Variants in RYR2 observed in about 807,000 individuals in gnomAD.
RYR2 encodes cardiac muscle ryanodine receptor-calcium release channel.
RYR2 carries 227 observed loss-of-function variants against 601.1 expected under a neutral mutation model. The observed-to-expected ratio is 0.38, with a 90% CI of 0.34 to 0.42. The LOEUF is 0.42. RYR2 is among the 10% of genes least tolerant of loss of function. The pLI, the probability that RYR2 is intolerant of heterozygous loss-of-function variation, is 1.00. For synonymous variants in RYR2, 2,223 were observed against 2,175.1 expected, an observed-to-expected ratio of 1.02 and a Z score of -0.61; for missense variants, 4,646 against 6,156.5, an observed-to-expected ratio of 0.75 and a Z score of 8.21.
chr1:237,107,946 T>A lies in RYR2; in HGVS notation c.48+65377T>A, dbSNP rs573498936. 2.6e-5 allele frequency among the ~76,000 whole-genome samples: 4 copies of A among 152,270 alleles called. No individual in the cohort carries two copies. The East Asian group carries it at 7.7e-4, about 29-fold the overall frequency. The stretch of plus-strand genomic sequence containing the variant: ...CATTGTTGAAAAGCCTCTACTCCTT[T>A]GTGGGGCTGTTTTACCTCCTGGTAA... On this transcript the variant is annotated intron_variant, in intron 1 of 104. Coordinates refer to ENST00000366574, the MANE Select transcript of RYR2 (RefSeq NM_001035.3).
In RYR2 at chr1:237,784,408, G is replaced by A. The variant is rs1479891890; in HGVS notation, c.12696G>A (p.Arg4232=). ...EKERPEEQGP[R]MAFFSILTVR... ...AGAGGCCGGAAGAGCAGGGGCCGAG[G>A]ATGGCTTTCTTCTCCATTCTGACGG... Residue 4232 remains arginine (R), a synonymous_variant, in exon 90 of 105, where the codon AGG becomes AGA. Coordinates refer to ENST00000366574, the MANE Select transcript of RYR2 (RefSeq NM_001035.3). This position sits in a 1 kb window ranked among gnomAD's most constrained non-coding sequence, Gnocchi z 7.1. 1.2e-6 allele frequency: 2 copies of A among 1,613,892 alleles called. No homozygotes were observed. Among genetic ancestry groups the A allele is most frequent in the East Asian group, 2.2e-5 (1 of 44,850 alleles).
At chr1:237,053,247 T>A (rs948079634) in intron 1 of RYR2, among the ~76,000 whole-genome samples, 1 of 152,228 alleles carries the variant, frequency 6.6e-6, no homozygotes, top group Non-Finnish European at 1.5e-5. Flanking sequence ...CTGGGAGTCA[T>A]GATCAGCTTA....
rs1482116595 is a variant in RYR2 at position 237,227,938 on chromosome 1, G to A, written c.49-42559G>A. On this transcript the variant is annotated intron_variant, in intron 1 of 104. Transcript: ENST00000366574. Reference sequence around the variant, plus strand: ...GGTGGTGTTTTTGGATCAGAAATGTGCTGTAAGAACTTAACTCTTGTTTTT... The same window carrying A: ...GGTGGTGTTTTTGGATCAGAAATGTACTGTAAGAACTTAACTCTTGTTTTT... Among the ~76,000 whole-genome samples, 6 of 151,730 alleles carry A rather than the reference G, an allele frequency of 4.0e-5. No homozygotes were observed. In the East Asian group the frequency reaches 7.8e-4, roughly 20 times the overall value.
intron 66 of RYR2, among the ~76,000 whole-genome samples, chr1:237,704,591 T>C (rs1688218957): frequency 6.6e-6 from 1 of 152,094 alleles, no homozygotes; most frequent in Admixed American, 6.6e-5. Flanking sequence ...TTTGTTTTTG[T>C]CATTGTTGTT....
chr1:237,226,114 A>C (rs978023084), intron 1 of RYR2, among the ~76,000 whole-genome samples: 1 of 152,060 alleles, frequency 6.6e-6, no homozygotes, highest in Non-Finnish European at 1.5e-5. Flanking sequence ...TTAAGTCTGG[A>C]ATCTAGTGAA....
chr1:237,083,076 C>T (rs1297509033), intron 1 of RYR2, among the ~76,000 whole-genome samples: 2 of 152,138 alleles, frequency 1.3e-5, no homozygotes, highest in Non-Finnish European at 2.9e-5. Context: ...CAGTATGGGC[C>T]CACTGTTGCC....
intron 1 of RYR2, among the ~76,000 whole-genome samples, chr1:237,112,954 A>G (rs1441376826): frequency 6.6e-6 from 1 of 152,052 alleles, no homozygotes; most frequent in Non-Finnish European, 1.5e-5. Flanking sequence ...TCATATAACT[A>G]TTTATTAAAT....
chr1:237,447,156 G>A (rs1234816040), intron 14 of RYR2, among the ~76,000 whole-genome samples: 1 of 152,170 alleles, frequency 6.6e-6, no homozygotes, highest in African/African-American at 2.4e-5. Flanking sequence ...CAGTGGCACT[G>A]CAGAGATACC....
chr1:237,521,149 C>T (rs557687451), intron 24 of RYR2, among the ~76,000 whole-genome samples: 50 of 122,364 alleles, frequency 4.1e-4, no homozygotes, highest in African/African-American at 1.1e-3. Flanking sequence ...TATCAATCCT[C>T]CTGAAACTGT....
chr1:237,641,501 C>CTT (rs779494269), intron 47 of RYR2, among the ~76,000 whole-genome samples: 15 of 89,858 alleles, frequency 1.7e-4, no homozygotes, highest in African/African-American at 4.0e-4. Context: ...TTCTTTCTTT[C>CTT]TTTCTTTCTT....
chr1:237,765,455 AC>A (rs1195959259), intron 84 of RYR2, among the ~76,000 whole-genome samples: 2 of 151,962 alleles, frequency 1.3e-5, no homozygotes, highest in East Asian at 1.9e-4. Flanking sequence ...AACCTTCCCC[AC>A]CTTTCTATCT....
rs1286936034 is a variant in RYR2, at chr1:237,614,838, T to C, written c.5710T>C (p.Leu1904=). Residue 1904 remains leucine, a synonymous_variant, in exon 37 of 105, where the codon TTG becomes CTG. Transcript: ENST00000366574. The surrounding 1 kb of genome is among the most constrained non-coding windows in gnomAD (Gnocchi z 4.3). The part of the protein sequence containing the change: ...LQMKLPEPVK[L]QMCLLLQYLC... ...AATGAAACTGCCAGAGCCAGTTAAATTGCAGGTAATCAGAACAAGAGACTT... is the reference window on the plus strand; with the variant it reads ...AATGAAACTGCCAGAGCCAGTTAAACTGCAGGTAATCAGAACAAGAGACTT... 1.9e-6 allele frequency: 3 copies of C among 1,563,646 alleles called. No individual in the cohort carries two copies. The African/African-American group carries it at 4.1e-5, about 21-fold the overall frequency.
rs558814390 is a variant in RYR2, at chr1:237,546,976, C to CATATATATAT, written c.2907-1444_2907-1435dup. Among the ~76,000 whole-genome samples the CATATATATAT allele has an allele frequency of 5.4e-3, 527 of 97,440 alleles. 8 individuals are homozygous for CATATATATAT. Among genetic ancestry groups the CATATATATAT allele is most frequent in the Non-Finnish European group, 0.01 (445 of 44,194 alleles). 63.9% of individuals were successfully genotyped at this position (97,440 alleles called of 152,430 possible). On this transcript the variant is annotated intron_variant, in intron 25 of 104. Transcript: ENST00000366574. ...AGAATTTGTAGTTTATTTTCAAAAG[C>CATATATATAT]ATATATATATATATATATATTTATT... is the stretch of plus-strand genomic sequence containing the variant.
At chr1:237,791,616 T>G in intron 93 of RYR2, 101 bp downstream of exon 93, 1 of 668,978 alleles carries the variant, frequency 1.5e-6, no homozygotes, top group Non-Finnish European at 2.6e-6. Context: ...AGTGAACATG[T>G]CTAAACCTAT....
chr1:237,493,161 A>G, intron 19 of RYR2, 74 bp downstream of exon 19: 1 of 1,532,374 alleles, frequency 6.5e-7, no homozygotes, highest in Non-Finnish European at 9.0e-7. Context: ...TGTAGCTGAT[A>G]CTATATGGTC....
intron 86 of RYR2, 57 bp downstream of exon 86, chr1:237,772,157 C>A: frequency 1.1e-6 from 1 of 927,604 alleles, no homozygotes; most frequent in Non-Finnish European, 1.7e-6. Context: ...TGAAACAATA[C>A]GGCAGAGTTT....
At chr1:237,612,374 A>G (rs1485680442) in intron 36 of RYR2, among the ~76,000 whole-genome samples, 1 of 152,200 alleles carries the variant, frequency 6.6e-6, no homozygotes, top group African/African-American at 2.4e-5. Flanking sequence ...AACTCCATTA[A>G]TATACATAAA....
chr1:237,564,138 A>C (rs1203066798), intron 27 of RYR2, among the ~76,000 whole-genome samples: 2 of 152,136 alleles, frequency 1.3e-5, no homozygotes, highest in Non-Finnish European at 2.9e-5. Context: ...TCTTAGATTC[A>C]TTTAGGGAAG....
chr1:237,306,006 A>G (rs921624139), intron 2 of RYR2, among the ~76,000 whole-genome samples: 3 of 152,244 alleles, frequency 2.0e-5, no homozygotes, highest in African/African-American at 7.2e-5. Context: ...AACTCTGAAC[A>G]TAGCCTACAG....
Sources: allele counts gnomAD v4.1 joint callset (sites outside exome capture counted in the v4.1 genomes callset), GRCh38; gene constraint gnomAD v4.1.1; non-coding constraint Gnocchi (gnomAD v3.1); transcripts MANE v1.5; gene names NCBI Gene and HGNC (gene_info 2026-07-23, HGNC 2026-07-21).